The following ADGRV1 variants were observed in gnomAD, a reference collection of about 807,000 sequenced individuals.
ADGRV1 encodes the protein G-protein coupled receptor 98.
In ADGRV1, 359 loss-of-function variants were observed where a neutral mutation model predicts 596.2. The observed-to-expected ratio is 0.60, with a 90% CI of 0.55 to 0.66. The LOEUF is 0.66. Ranked by LOEUF, ADGRV1 falls within the 30% of genes least tolerant of loss-of-function variation. The pLI, the probability that ADGRV1 is intolerant of heterozygous loss-of-function variation, is 0.00. For synonymous variants in ADGRV1, 2,681 were observed against 2,679.2 expected (o/e 1.00, Z -0.02); for missense variants, 7,274 against 7,575.6 (o/e 0.96, Z 1.48).
intron 31 of ADGRV1, among the ~76,000 whole-genome samples, chr5:90,691,384 C>CTTTTTT (rs34426784): frequency 8.1e-6 from 1 of 123,452 alleles, no homozygotes; most frequent in Non-Finnish European, 1.6e-5. Flanking sequence ...AAACTTTTTT[C>CTTTTTT]TTTTTTTTTT....
At chr5:90,720,351 GA>G (rs1320212417) in intron 44 of ADGRV1, 128 bp downstream of exon 44, 57 of 647,204 alleles carry the variant, frequency 8.8e-5, no homozygotes, top group Admixed American at 3.3e-4. Context: ...ATGAACTCTA[GA>G]AAAGATAGGT....
intron 43 of ADGRV1, 57 bp from the exon 44 acceptor site, chr5:90,719,991 A>G (rs762092965): frequency 5.9e-6 from 8 of 1,352,350 alleles, no homozygotes; most frequent in South Asian, 1.2e-5. Flanking sequence ...ATTTCGCTAT[A>G]TATGTGTTAC....
At chr5:90,852,852 G>A (rs1766663246) in intron 79 of ADGRV1, among the ~76,000 whole-genome samples, 1 of 152,106 alleles carries the variant, frequency 6.6e-6, no homozygotes, top group Admixed American at 6.6e-5. Context: ...TGAAAACATG[G>A]GCCTGGATAT....
At chr5:90,761,317 T>C (rs1360935336) in intron 58 of ADGRV1, among the ~76,000 whole-genome samples, 2 of 152,212 alleles carry the variant, frequency 1.3e-5, no homozygotes, top group African/African-American at 2.4e-5. Flanking sequence ...AATGGGCAGC[T>C]GTGTTTGTAA....
chr5:90,576,286 C>T (rs932376365), intron 1 of ADGRV1, among the ~76,000 whole-genome samples: 5 of 151,530 alleles, frequency 3.3e-5, no homozygotes, highest in Non-Finnish European at 7.4e-5. Flanking sequence ...ACGACAAGCC[C>T]CAGTGTGTGA....
intron 85 of ADGRV1, among the ~76,000 whole-genome samples, chr5:91,035,867 A>ATATAT (rs1784859059): frequency 1.6e-5 from 2 of 122,740 alleles, no homozygotes; most frequent in South Asian, 5.1e-4. Flanking sequence ...TATATTATAT[A>ATATAT]TATATATATA....
At position 90,728,923 on chromosome 5, in the gene ADGRV1, T is replaced by C. The variant is rs1752160055; in HGVS notation, c.10416T>C (p.Asn3472=). The C allele has an allele frequency of 6.2e-7, 1 of 1,607,678 alleles. No individual in the cohort carries two copies. The highest frequency in any genetic ancestry group is 8.5e-7 in the Non-Finnish European group (1 of 1,176,036). The change falls in exon 49 of 90, where the codon AAT becomes AAC. Residue 3472 remains asparagine, a synonymous_variant. Coordinates refer to ENST00000405460, the MANE Select transcript of ADGRV1 (RefSeq NM_032119.4). ...ANDIYLIFAE[N]VFLGDQNSID... is the part of the protein sequence containing the mutation. ...ATATTTACCTAATATTTGCCGAAAA[T>C]GTCTTTCTAGGTGAGAAGATAAAGT...
chr5:90,651,453 A>G (rs1035437023), intron 17 of ADGRV1, 151 bp from the exon 18 acceptor site: 11 of 543,272 alleles, frequency 2.0e-5, no homozygotes, highest in Non-Finnish European at 3.4e-5. Context: ...GGAAATATGG[A>G]GCAGTATTTT....
intron 76 of ADGRV1, among the ~76,000 whole-genome samples, chr5:90,826,163 T>G (rs1764058603): frequency 6.6e-6 from 1 of 152,310 alleles, no homozygotes. Flanking sequence ...TAGAAGGGAA[T>G]TTATTACTCA....
intron 83 of ADGRV1, among the ~76,000 whole-genome samples, chr5:90,891,487 TG>T (rs1770819448): frequency 6.6e-6 from 1 of 151,630 alleles, no homozygotes; most frequent in Admixed American, 6.6e-5. Flanking sequence ...AAAGTATAAA[TG>T]GGAAAATGAA....
intron 50 of ADGRV1, among the ~76,000 whole-genome samples, chr5:90,741,288 C>A (rs1437271407): frequency 6.6e-6 from 1 of 152,138 alleles, no homozygotes; most frequent in Non-Finnish European, 1.5e-5. Flanking sequence ...TCTGCTCATT[C>A]TTTCCTTAAA....
At chr5:91,065,187 C>G (rs1314295939) in intron 85 of ADGRV1, among the ~76,000 whole-genome samples, 1 of 152,152 alleles carries the variant, frequency 6.6e-6, no homozygotes, top group Admixed American at 6.5e-5. Context: ...AGTAGGTCAT[C>G]ACTATGAATT....
At chr5:91,155,004 G>A (rs997572739) in intron 89 of ADGRV1, among the ~76,000 whole-genome samples, 1 of 152,154 alleles carries the variant, frequency 6.6e-6, no homozygotes, top group African/African-American at 2.4e-5. Flanking sequence ...TGGGGACACA[G>A]CCAAATCATA....
chr5:90,981,003 G>A (rs561811344), intron 84 of ADGRV1, among the ~76,000 whole-genome samples: 39 of 152,246 alleles, frequency 2.6e-4, no homozygotes, highest in African/African-American at 8.7e-4. Flanking sequence ...ATTTGAGACA[G>A]GTCTCAGTTA....
chr5:90,703,128 C>T (rs1313493001), intron 34 of ADGRV1, among the ~76,000 whole-genome samples: 1 of 151,998 alleles, frequency 6.6e-6, no homozygotes, highest in Non-Finnish European at 1.5e-5. Flanking sequence ...TGTTGATGTA[C>T]AGATTTGACA....
intron 5 of ADGRV1, among the ~76,000 whole-genome samples, chr5:90,624,020 CCA>C (rs1192461875): frequency 1.3e-5 from 2 of 152,118 alleles, no homozygotes. Flanking sequence ...ATTTCAGATA[CCA>C]GTTTCTTTCC....
At chr5:90,798,722 T>C (rs1211978704) in intron 70 of ADGRV1, among the ~76,000 whole-genome samples, 1 of 152,180 alleles carries the variant, frequency 6.6e-6, no homozygotes, top group African/African-American at 2.4e-5. Context: ...AAAAAGCTTA[T>C]CTACCATGAT....
Position 90,745,285 on chromosome 5 carries a change from C to A in ADGRV1, c.10769+20C>A, listed in dbSNP as rs771952427. 6 of 1,471,994 alleles carry A rather than the reference C, an allele frequency of 4.1e-6. No homozygotes were observed. The South Asian group carries it at 7.6e-5, about 19-fold the overall frequency. The allele number at this position is 1,471,994 out of a possible 1,614,324, so 91.2% of individuals were successfully genotyped here. A position where few individuals can be genotyped will look rare whatever the true frequency, so the allele number is the denominator to read the frequency against. ...TCCTAGGTAGGTTCAACATTTTTTG[C>A]TAAGTATCTTTATGTTCACTGTAAT... On this transcript the variant is annotated intron_variant, in intron 51 of 89. Coordinates refer to ENST00000405460, the MANE Select transcript of ADGRV1 (RefSeq NM_032119.4).
chr5:91,156,840 A>G (rs1175362668), intron 89 of ADGRV1, among the ~76,000 whole-genome samples: 2 of 152,264 alleles, frequency 1.3e-5, no homozygotes, highest in South Asian at 4.1e-4. Context: ...CATTTTGTCT[A>G]CAGCAGTTAT....
Sources: gnomAD v4.1 joint callset for allele counts (sites outside exome capture counted in the v4.1 genomes callset) on GRCh38, gnomAD v4.1.1 for gene constraint, MANE v1.5 for transcripts, NCBI Gene and HGNC (gene_info 2026-07-23, HGNC 2026-07-21) for gene names.